PCDHGA7: variants seen among roughly 807,000 people sequenced by gnomAD.
PCDHGA7 encodes protocadherin gamma subfamily A, 7, also known as protocadherin gamma-A7.
A neutral mutation model predicts 58.3 loss-of-function variants in PCDHGA7; 44 were observed. The observed-to-expected ratio is 0.75, with a 90% CI of 0.59 to 0.97. The LOEUF is 0.97. Among genes scored for constraint, PCDHGA7 ranks in the 50% least tolerant of loss-of-function variants. The probability of loss-of-function intolerance (pLI) is 0.00; values close to 1 mark genes in which losing one functional copy is unlikely to be tolerated. For missense variants in PCDHGA7, 1,266 were observed against 1,188.7 expected (o/e 1.06, Z -0.96); for synonymous variants, 516 against 504.2 (o/e 1.02, Z -0.31).
At chr5:141,503,660 C>A (rs2099827842) in intron 2 of PCDHGA7, among the ~76,000 whole-genome samples, 1 of 150,420 alleles carries the variant, frequency 6.6e-6, no homozygotes, top group Non-Finnish European at 1.5e-5. Flanking sequence ...AACAGAATTA[C>A]AACTCTTCCC....
chr5:141,383,078 C>G lies in PCDHGA7; in HGVS notation c.179C>G (p.Ala60Gly), dbSNP rs749152940. Residue 60 changes from alanine (A) to glycine (G), a missense_variant, in exon 1 of 4, where the codon GCG becomes GGG. Physicochemically the swap from Ala to Gly is moderately conservative, Grantham distance 60. Transcript: ENST00000518325. ...KDLGLEPREL[A>G]ERGVRIISRG... ...CTGGGGCTGGAGCCCCGGGAGCTGG[C>G]GGAGCGCGGAGTCCGCATCATCTCC... 2.5e-6 allele frequency: 4 copies of G among 1,613,840 alleles called. No individual in the cohort carries two copies. Among genetic ancestry groups the G allele is most frequent in the South Asian group, 2.2e-5 (2 of 91,078 alleles).
chr5:141,393,118 G>C (rs1254219994), intron 1 of PCDHGA7: 31 of 1,613,354 alleles, frequency 1.9e-5, no homozygotes, highest in Non-Finnish European at 2.5e-5. Flanking sequence ...AGCCCGCGGT[G>C]TCTGATAAAT....
chr5:141,405,431 T>C (rs1308544171), intron 1 of PCDHGA7: 18 of 1,490,646 alleles, frequency 1.2e-5, no homozygotes, highest in Non-Finnish European at 1.6e-5. Context: ...TGTTTTGTTT[T>C]GTTTTTGAGA....
At position 141,382,780 on chromosome 5, in the gene PCDHGA7, A is replaced by T. The variant is rs1050419701; in HGVS notation, c.-120A>T. On this transcript the variant is annotated 5_prime_UTR_variant, in exon 1 of 4. Coordinates refer to ENST00000518325, the MANE Select transcript of PCDHGA7 (RefSeq NM_018920.4). ...CCCTCTTCCAGGCTGCACTAAACTC[A>T]AGCCTCTATCCTGCTGGATTCTGAG... is the stretch of plus-strand genomic sequence containing the variant. 8.4e-6 allele frequency: 7 copies of T among 836,240 alleles called. No homozygotes were observed. The African/African-American group carries it at 1.2e-4, about 14-fold the overall frequency. 51.8% of individuals were successfully genotyped at this position (836,240 alleles called of 1,614,324 possible).
At position 141,399,393 on chromosome 5, in the gene PCDHGA7, C is replaced by G. The variant is rs762678347; in HGVS notation, c.2424+14070C>G. 28 of 1,613,976 alleles carry G rather than the reference C, an allele frequency of 1.7e-5. No homozygotes were observed. In the Middle Eastern group the frequency reaches 2.8e-3, roughly 162 times the overall value. ...ACAATGTCACCATCACAGCCACAGA[C>G]AGGGGCAAGCCGCCCCTCTCCTCCA... On this transcript the variant is annotated intron_variant, in intron 1 of 3. Transcript: ENST00000518325.
At chr5:141,447,957 A>T (rs1460497437) in intron 1 of PCDHGA7, among the ~76,000 whole-genome samples, 3 of 151,910 alleles carry the variant, frequency 2.0e-5, no homozygotes, top group African/African-American at 7.3e-5. Context: ...ATGGTGGCGG[A>T]CACCTATAAT....
At chr5:141,407,602 G>A (rs1395597779) in intron 1 of PCDHGA7, among the ~76,000 whole-genome samples, 2 of 152,064 alleles carry the variant, frequency 1.3e-5, no homozygotes, top group Non-Finnish European at 2.9e-5. Context: ...ATCTTAAAAA[G>A]AAGCATTGGT....
chr5:141,436,193 A>G (rs2097801112), intron 1 of PCDHGA7, among the ~76,000 whole-genome samples: 1 of 152,156 alleles, frequency 6.6e-6, no homozygotes, highest in South Asian at 2.1e-4. Flanking sequence ...AAATAGAAAG[A>G]AAGACATAAT....
At position 141,486,254 on chromosome 5, in the gene PCDHGA7, G is replaced by A. The variant is rs2099626723; in HGVS notation, c.2425-8553G>A. ...GACCTCAGAGCTTGGAACCCTCCCCGAGAGTGCAGAACCTGGCACTGTGGT... is the reference window on the plus strand; with the variant it reads ...GACCTCAGAGCTTGGAACCCTCCCCAAGAGTGCAGAACCTGGCACTGTGGT... On this transcript the variant is annotated intron_variant, in intron 1 of 3. Transcript: ENST00000518325. This position sits in a 1 kb window ranked among gnomAD's most constrained non-coding sequence, Gnocchi z 5.0. The A allele has an allele frequency of 1.2e-6, 2 of 1,613,992 alleles. No individual in the cohort carries two copies. Among genetic ancestry groups the A allele is most frequent in the Non-Finnish European group, 1.7e-6 (2 of 1,179,982 alleles).
intron 1 of PCDHGA7, chr5:141,422,676 A>C (rs1245488589): frequency 6.2e-7 from 1 of 1,606,500 alleles, no homozygotes; most frequent in Admixed American, 1.7e-5. Flanking sequence ...CGGACAGCAA[A>C]CAGAATGCCC....
rs1022106778 is a variant in PCDHGA7, at chr5:141,384,657, C to A, written c.1758C>A (p.Tyr586Ter). ...CACCCCGCTCCGCAGAGCCCGGCTACCTGGTGACCAAGGTGGTGGCGGTGG... is the reference window on the plus strand; with the variant it reads ...CACCCCGCTCCGCAGAGCCCGGCTAACTGGTGACCAAGGTGGTGGCGGTGG... ...ELAPRSAEPG[Y>*]LVTKVVAVDK... is the part of the protein sequence containing the mutation. Residue 586 changes from tyrosine to a stop codon, truncating the protein, a stop_gained, in exon 1 of 4, where the codon TAC (tyrosine) becomes TAA (stop). Transcript: ENST00000518325. LOFTEE classifies it high-confidence loss of function. 23 of 1,614,124 alleles carry A rather than the reference C, an allele frequency of 1.4e-5. No homozygotes were observed. The African/African-American group carries it at 2.0e-4, about 14-fold the overall frequency.
chr5:141,390,542 G>A, intron 1 of PCDHGA7: 1 of 511,902 alleles, frequency 2.0e-6, no homozygotes, highest in South Asian at 2.4e-5. Context: ...TAACCACAAA[G>A]TGAAAGTGTT....
In PCDHGA7 at chr5:141,400,300, C is replaced by A. The variant is rs1267834290; in HGVS notation, c.2424+14977C>A. The stretch of plus-strand genomic sequence containing the variant: ...CCCTGCCGCCTGGAGCTGCTTCCAA[C>A]CTGGTCTCTGTGTCAAGTCTGGACC... On this transcript the variant is annotated intron_variant, in intron 1 of 3. Transcript: ENST00000518325. 6.8e-6 allele frequency: 11 copies of A among 1,613,966 alleles called. No individual in the cohort carries two copies. The African/African-American group carries it at 1.3e-4, about 20-fold the overall frequency.
At chr5:141,422,865 C>A in intron 1 of PCDHGA7, 6 of 1,614,244 alleles carry the variant, frequency 3.7e-6, no homozygotes, top group Non-Finnish European at 5.1e-6. Flanking sequence ...TCAGCAGCAA[C>A]GTGTCGCTGA....
chr5:141,399,143 A>G (rs750976328), intron 1 of PCDHGA7: 12 of 1,613,780 alleles, frequency 7.4e-6, no homozygotes, highest in Admixed American at 3.3e-5. Context: ...GAAAATGACA[A>G]TAGCCCAGAA....
intron 1 of PCDHGA7, among the ~76,000 whole-genome samples, chr5:141,482,605 C>T (rs2099569133): frequency 6.7e-6 from 1 of 150,032 alleles, no homozygotes; most frequent in Admixed American, 6.6e-5. Flanking sequence ...GAAAAAACAC[C>T]TAAATGAGCC....
At chr5:141,463,650 A>C (rs1206605758) in intron 1 of PCDHGA7, among the ~76,000 whole-genome samples, 1 of 151,746 alleles carries the variant, frequency 6.6e-6, no homozygotes, top group Non-Finnish European at 1.5e-5. Flanking sequence ...ACGGGGTTTC[A>C]CCGTGTTAGC....
intron 1 of PCDHGA7, among the ~76,000 whole-genome samples, chr5:141,462,448 G>A (rs1435453503): frequency 6.6e-6 from 1 of 152,022 alleles, no homozygotes; most frequent in Non-Finnish European, 1.5e-5. Context: ...ACACAACTGT[G>A]TAACTGAAAA....
chr5:141,511,077 T>C lies in PCDHGA7; in HGVS notation c.2703T>C (p.Asn901=), dbSNP rs1279500774. ...YRQNVYIPGS[N]ATLTNAAGKR... is the part of the protein sequence containing the mutation. ...AGAATGTCTACATCCCAGGCAGCAA[T>C]GCCACACTGACCAACGCAGCTGGCA... is the stretch of plus-strand genomic sequence containing the variant. Residue 901 remains asparagine, a synonymous_variant, in exon 4 of 4, where the codon AAT becomes AAC. Transcript: ENST00000518325. 5 of 1,614,062 alleles carry C rather than the reference T, an allele frequency of 3.1e-6. No individual in the cohort carries two copies. The African/African-American group carries it at 6.7e-5, about 22-fold the overall frequency.
Sources: allele counts gnomAD v4.1 joint callset (sites outside exome capture counted in the v4.1 genomes callset), GRCh38; gene constraint gnomAD v4.1.1; non-coding constraint Gnocchi (gnomAD v3.1); transcripts MANE v1.5; gene names NCBI Gene and HGNC (gene_info 2026-07-23, HGNC 2026-07-21).